PTCD3: variants seen among roughly 807,000 people sequenced by gnomAD.
PTCD3 encodes the protein small ribosomal subunit protein mS39.
Under a neutral mutation model 101.9 loss-of-function variants are expected in PTCD3, and 89 were observed. The observed-to-expected ratio is 0.87, with a 90% CI of 0.74 to 1.04. The LOEUF (loss-of-function observed/expected upper bound fraction) is 1.04. Among genes scored for constraint, PTCD3 ranks in the 50% least tolerant of loss-of-function variants. The pLI is 0.00. For synonymous variants in PTCD3, 296 were observed against 278.5 expected (o/e 1.06, Z -0.63); for missense variants, 870 against 828.2 (o/e 1.05, Z -0.62).
intron 9 of PTCD3, among the ~76,000 whole-genome samples, chr2:86,124,079 A>G (rs1196833848): frequency 6.6e-6 from 1 of 152,148 alleles, no homozygotes; most frequent in African/African-American, 2.4e-5. Context: ...ATATACCTCT[A>G]ATTCTGAAAG....
At chr2:86,130,815 G>T in intron 15 of PTCD3, 78 bp downstream of exon 15, 2 of 1,562,706 alleles carry the variant, frequency 1.3e-6, no homozygotes, top group Admixed American at 4.1e-5. Context: ...TAGAGGCCTT[G>T]TGATCCCTAT....
chr2:86,137,326 TG>T, intron 23 of PTCD3, 142 bp from the exon 24 acceptor site: 2 of 1,332,706 alleles, frequency 1.5e-6, no homozygotes, highest in Non-Finnish European at 1.0e-6. Context: ...AGAAGCTTTT[TG>T]TTTCTAATAT....
Position 86,107,345 on chromosome 2 carries a change from C to T in PTCD3, c.104+994C>T, listed in dbSNP as rs192655418. 3.4e-3 allele frequency: 1,339 copies of T among 397,364 alleles called. 9 individuals carry two copies. Among genetic ancestry groups the T allele is most frequent in the Non-Finnish European group, 5.3e-3 (1,035 of 196,092 alleles). The allele number at this position is 397,364 out of a possible 1,614,324, so 24.6% of individuals were successfully genotyped here. A position where few individuals can be genotyped will look rare whatever the true frequency, so the allele number is the denominator to read the frequency against. On this transcript the variant is annotated intron_variant, in intron 1 of 23. Transcript: ENST00000254630. The stretch of plus-strand genomic sequence containing the variant: ...GACTTGAAAGAGTTGATCTCAGAAA[C>T]TTGAAAGAGTTGATCTCTTTCTGAA...
At position 86,137,773 on chromosome 2, in the gene PTCD3, C is replaced by A; in HGVS notation, c.*214C>A. 1.8e-6 allele frequency: 1 copy of A among 564,920 alleles called. No individual in the cohort carries two copies. The highest frequency in any genetic ancestry group is 3.0e-6 in the Non-Finnish European group (1 of 337,124). 35.0% of individuals were successfully genotyped at this position (564,920 alleles called of 1,614,324 possible). A position where few individuals can be genotyped will look rare whatever the true frequency, so the allele number is the denominator to read the frequency against. On this transcript the variant is annotated 3_prime_UTR_variant, in exon 24 of 24. Coordinates refer to ENST00000254630, the MANE Select transcript of PTCD3 (RefSeq NM_017952.6). ...CCATCTATTAATGCACCATTAAAGG[C>A]TTAGCATTTAAGTAGCAACATTGCG...
In PTCD3 at chr2:86,106,279, G is replaced by T. The variant is rs1323360973; in HGVS notation, c.32G>T (p.Gly11Val). ...GTTGTATCTGCTGTTCGCTGGCTGG[G>T]CCTCCGCAGCAGGCTTGGCCAGCCG... Reference protein sequence around the residue: MAVVSAVRWLGLRSRLGQPLT... With the variant: MAVVSAVRWLVLRSRLGQPLT... Residue 11 changes from glycine (G) to valine (V), a missense_variant, in exon 1 of 24, where the codon GGC becomes GTC. Transcript: ENST00000254630. 1.2e-6 allele frequency: 2 copies of T among 1,613,786 alleles called. No individual in the cohort carries two copies. Among genetic ancestry groups the T allele is most frequent in the Non-Finnish European group, 8.5e-7 (1 of 1,179,970 alleles).
chr2:86,130,521 C>T, intron 14 of PTCD3, 127 bp from the exon 15 acceptor site: 1 of 1,429,604 alleles, frequency 7.0e-7, no homozygotes, highest in African/African-American at 1.4e-5. Context: ...TTGGCCTCCA[C>T]CCAGATCTAT....
intron 4 of PTCD3, 120 bp from the exon 5 acceptor site, chr2:86,116,404 GCACACA>G (rs1388199787): frequency 1.4e-6 from 1 of 733,304 alleles, no homozygotes; most frequent in Non-Finnish European, 2.3e-6. Context: ...AGCTGTGGTG[GCACACA>G]CCTGTAGCCT....
chr2:86,133,447 C>A lies in PTCD3; in HGVS notation c.1543+11C>A. On this transcript the variant is annotated intron_variant, in intron 19 of 23. Transcript: ENST00000254630. ...CTAAAATTTGGAAAGGTCAGTTTTA[C>A]TTTTTATGTGTCCAGGTGCATCTCA... 1 of 1,593,096 alleles carries A rather than the reference C, an allele frequency of 6.3e-7. No homozygotes were observed. The highest frequency in any genetic ancestry group is 8.6e-7 in the Non-Finnish European group (1 of 1,161,120).
At chr2:86,130,832 G>T in intron 15 of PTCD3, 95 bp downstream of exon 15, 1 of 1,485,052 alleles carries the variant, frequency 6.7e-7, no homozygotes, top group Non-Finnish European at 8.9e-7. Flanking sequence ...CTATAGCTTA[G>T]AAGTATTTTT....
rs1207698311 is a variant in PTCD3, at chr2:86,108,407, A to G, written c.157+5A>G. On this transcript the variant is annotated splice_donor_5th_base_variant and intron_variant, in intron 2 of 23. Transcript: ENST00000254630. ...TTGAAGGAACTGATGTAACAGGTAT[A>G]TTTTAAAATATATTGAATTCTATTT... The G allele has an allele frequency of 6.2e-7, 1 of 1,602,798 alleles. No individual in the cohort carries two copies. The highest frequency in any genetic ancestry group is 8.5e-7 in the Non-Finnish European group (1 of 1,176,228).
intron 4 of PTCD3, chr2:86,112,095 C>T (rs1182372371): frequency 6.9e-6 from 1 of 144,476 alleles, no homozygotes; most frequent in Non-Finnish European, 1.5e-5. Flanking sequence ...CTTGCTGTGT[C>T]GCCCAGGCTG....
At chr2:86,129,302 A>G (rs2104458812) in intron 14 of PTCD3, among the ~76,000 whole-genome samples, 1 of 152,272 alleles carries the variant, frequency 6.6e-6, no homozygotes, top group Admixed American at 6.5e-5. Context: ...AACAGCCAGG[A>G]CTGGGGGATG....
In PTCD3 at chr2:86,130,698, T is replaced by C. The variant is rs1449522887; in HGVS notation, c.1198T>C (p.Leu400=). The change falls in exon 15 of 24, where the codon TTA becomes CTA. Residue 400 remains leucine, a synonymous_variant. Transcript: ENST00000254630. ...SFIIYDIMNE[L]MGKRFSPKDP... ...CATCATTTATGATATAATGAATGAA[T>C]TAATGGGAAAGAGATTTTCTCCAAA... The C allele has an allele frequency of 1.9e-6, 3 of 1,613,780 alleles. No homozygotes were observed. The highest frequency in any genetic ancestry group is 2.5e-6 in the Non-Finnish European group (3 of 1,179,860).
At chr2:86,108,457 T>C in intron 2 of PTCD3, 43 bp from the exon 3 acceptor site, 1 of 1,591,978 alleles carries the variant, frequency 6.3e-7, no homozygotes, top group Non-Finnish European at 8.5e-7. Context: ...TGGATTCCAT[T>C]GTAGTACTAG....
chr2:86,106,728 C>G (rs767161081), intron 1 of PTCD3, among the ~76,000 whole-genome samples: 1 of 152,116 alleles, frequency 6.6e-6, no homozygotes, highest in Non-Finnish European at 1.5e-5. Context: ...CAAGATCTTC[C>G]CAAATAAAAG....
At chr2:86,132,525 A>AT in intron 17 of PTCD3, 101 bp downstream of exon 17, 1 of 769,634 alleles carries the variant, frequency 1.3e-6, no homozygotes, top group Non-Finnish European at 2.2e-6. Context: ...TTCAGGCAAC[A>AT]TGCCAATGAT....
intron 1 of PTCD3, 104 bp from the exon 2 acceptor site, chr2:86,108,246 A>C: frequency 7.8e-7 from 1 of 1,285,570 alleles, no homozygotes; most frequent in Non-Finnish European, 1.1e-6. Flanking sequence ...TATCCAGTTT[A>C]ATCCGTGATA....
chr2:86,109,966 A>T (rs1674044735), intron 3 of PTCD3, among the ~76,000 whole-genome samples: 1 of 152,212 alleles, frequency 6.6e-6, no homozygotes. Context: ...TGGAAATACA[A>T]ATACCAAATT....
intron 7 of PTCD3, among the ~76,000 whole-genome samples, chr2:86,119,957 T>G (rs894920119): frequency 6.6e-6 from 1 of 152,178 alleles, no homozygotes; most frequent in Non-Finnish European, 1.5e-5. Flanking sequence ...GCATTAAGTT[T>G]TTAGAATCTA....
Sources: gnomAD v4.1 joint callset for allele counts (sites outside exome capture counted in the v4.1 genomes callset) on GRCh38, gnomAD v4.1.1 for gene constraint, MANE v1.5 for transcripts, NCBI Gene and HGNC (gene_info 2026-07-23, HGNC 2026-07-21) for gene names.